The following TAPT1 variants were observed in gnomAD, a reference collection of about 807,000 sequenced individuals.
TAPT1 encodes transmembrane anterior posterior transformation 1.
Under a neutral mutation model 65.6 loss-of-function variants are expected in TAPT1, and 28 were observed. The observed-to-expected ratio is 0.43, with a 90% confidence interval of 0.32 to 0.59. The LOEUF is 0.59. Ranked by LOEUF, TAPT1 falls within the 20% of genes least tolerant of loss-of-function variation. TAPT1 has a pLI of 0.09. For synonymous variants in TAPT1, 278 were observed against 245.2 expected, an observed-to-expected ratio of 1.13 and a Z score of -1.25; for missense variants, 563 against 679.9, an observed-to-expected ratio of 0.83 and a Z score of 1.91.
chr4:16,166,410 G>C (rs952531587), intron 13 of TAPT1, among the ~76,000 whole-genome samples: 1 of 152,240 alleles, frequency 6.6e-6, no homozygotes, highest in Non-Finnish European at 1.5e-5. Flanking sequence ...CACTGGAGCT[G>C]ATGTGTCGCA....
At chr4:16,206,593 G>A (rs1182338764) in intron 2 of TAPT1, among the ~76,000 whole-genome samples, 1 of 152,012 alleles carries the variant, frequency 6.6e-6, no homozygotes, top group East Asian at 1.9e-4. Context: ...TATCTAGGAT[G>A]AGATCGACTT....
intron 2 of TAPT1, among the ~76,000 whole-genome samples, chr4:16,208,685 G>A (rs1167088261): frequency 6.6e-6 from 1 of 152,142 alleles, no homozygotes. Context: ...TGCAACAACT[G>A]AGACCTCTTT....
chr4:16,224,323 A>G (rs1319472369), intron 1 of TAPT1, among the ~76,000 whole-genome samples: 1 of 152,198 alleles, frequency 6.6e-6, no homozygotes, highest in Non-Finnish European at 1.5e-5. Context: ...AAGAAGGACT[A>G]AAATAATTGT....
chr4:16,188,542 G>C (rs1749159472), intron 4 of TAPT1, among the ~76,000 whole-genome samples, 187 bp from the exon 5 acceptor site: 1 of 152,118 alleles, frequency 6.6e-6, no homozygotes, highest in Non-Finnish European at 1.5e-5. Flanking sequence ...AATAGTAACG[G>C]CTAAAATATG....
chr4:16,221,424 C>T lies in TAPT1; in HGVS notation c.199+4835G>A, dbSNP rs951866430. Among the ~76,000 whole-genome samples the T allele has an allele frequency of 2.6e-5, 4 of 152,310 alleles. No homozygotes were observed. The South Asian group carries it at 8.3e-4, about 32-fold the overall frequency. On this transcript the variant is annotated intron_variant, in intron 1 of 13. Coordinates refer to ENST00000405303, the MANE Select transcript of TAPT1 (RefSeq NM_153365.3). ...TACAGGAGTGAGCCACCGCGCCCAG[C>T]CCCTCCAGCATATTTTTACATGATA...
At chr4:16,222,818 T>A (rs898831294) in intron 1 of TAPT1, among the ~76,000 whole-genome samples, 3 of 131,100 alleles carry the variant, frequency 2.3e-5, no homozygotes, top group Non-Finnish European at 5.5e-5. Context: ...AAGAGATGGA[T>A]AATAAGTTGA....
intron 4 of TAPT1, chr4:16,190,186 T>C (rs1749279906): frequency 6.6e-6 from 1 of 152,208 alleles, no homozygotes; most frequent in Non-Finnish European, 1.5e-5. Flanking sequence ...AGAGTCCTTG[T>C]CTACCACAGC....
At chr4:16,163,605 C>G (rs762839316) in intron 13 of TAPT1, 68 bp from the exon 14 acceptor site, 89 of 1,300,836 alleles carry the variant, frequency 6.8e-5, no homozygotes, top group Non-Finnish European at 9.0e-5. Flanking sequence ...TACAAACTTA[C>G]CAATACAGTG....
At chr4:16,206,685 G>A (rs183491558) in intron 2 of TAPT1, among the ~76,000 whole-genome samples, 1 of 152,274 alleles carries the variant, frequency 6.6e-6, no homozygotes, top group Admixed American at 6.5e-5. Flanking sequence ...AGCCATCAGT[G>A]TGAATGATCA....
At chr4:16,196,659 A>C in intron 3 of TAPT1, 1 of 1,287,302 alleles carries the variant, frequency 7.8e-7, no homozygotes, top group Non-Finnish European at 1.0e-6. Context: ...TTTACTCACC[A>C]CAAGGAGTCC....
At chr4:16,199,171 AAC>A (rs558177985) in intron 3 of TAPT1, among the ~76,000 whole-genome samples, 8 of 152,214 alleles carry the variant, frequency 5.3e-5, no homozygotes, top group South Asian at 2.1e-4. Flanking sequence ...AAATTGCTGA[AAC>A]AGTTATATAA....
At chr4:16,217,739 T>C (rs2108895329) in intron 1 of TAPT1, among the ~76,000 whole-genome samples, 1 of 152,290 alleles carries the variant, frequency 6.6e-6, no homozygotes, top group Admixed American at 6.5e-5. Context: ...TCCAGATACT[T>C]GAGAAAAGAA....
chr4:16,227,351 G>A (rs1246809547), upstream of TAPT1: 1 of 454,778 alleles, frequency 2.2e-6, no homozygotes, highest in Non-Finnish European at 4.4e-6. Context: ...TTCCAGCTCT[G>A]GCGTGTGACC....
In TAPT1 at chr4:16,191,509, A is replaced by T; in HGVS notation, c.464T>A (p.Leu155His). ...AATGTCACACACCTGGGCAGGCTGA[A>T]GCAAACGTCTGTCCCTGAAACATAC... ...PCYGLRDRRL[L>H]QPAQVCDILK... The change falls in exon 4 of 14, where the codon CTT (leucine) becomes CAT (histidine). Residue 155 changes from leucine to histidine, a missense_variant. Transcript: ENST00000405303. 6.4e-7 allele frequency: 1 copy of T among 1,558,688 alleles called. No homozygotes were observed. The highest frequency in any genetic ancestry group is 1.2e-5 in the South Asian group (1 of 84,478).
rs1751552814 is a variant in TAPT1 at position 16,226,248 on chromosome 4, G to A, written c.199+11C>T. On this transcript the variant is annotated intron_variant, in intron 1 of 13. Coordinates refer to ENST00000405303, the MANE Select transcript of TAPT1 (RefSeq NM_153365.3). Reference sequence around the variant, plus strand: ...TCGGAGCCCGCCACGGCCTAGCGCCGCCCGCCTCACCTGTGCGGCCCCGGC... The same window carrying A: ...TCGGAGCCCGCCACGGCCTAGCGCCACCCGCCTCACCTGTGCGGCCCCGGC... The A allele has an allele frequency of 2.7e-6, 3 of 1,116,172 alleles. No individual in the cohort carries two copies. The South Asian group carries it at 1.3e-4, about 48-fold the overall frequency. The allele number at this position is 1,116,172 out of a possible 1,614,324, so 69.1% of individuals were successfully genotyped here. A position where few individuals can be genotyped will look rare whatever the true frequency, so the allele number is the denominator to read the frequency against.
chr4:16,225,827 G>GT, intron 1 of TAPT1: 1 of 964,022 alleles, frequency 1.0e-6, no homozygotes, highest in East Asian at 1.1e-4. Context: ...AAGTTAACAG[G>GT]TTTCTATGGC....
chr4:16,195,522 T>G (rs1375576587), intron 3 of TAPT1, among the ~76,000 whole-genome samples: 1 of 152,206 alleles, frequency 6.6e-6, no homozygotes, highest in Non-Finnish European at 1.5e-5. Context: ...TAACAAAACT[T>G]AAACATTTTT....
At chr4:16,226,496 A>G, upstream of TAPT1, 1 of 1,026,004 alleles carries the variant, frequency 9.7e-7, no homozygotes, top group Non-Finnish European at 1.2e-6. Flanking sequence ...GCCTCCCTCC[A>G]GCCTCTGCCT....
chr4:16,205,535 G>A (rs1220500857), intron 2 of TAPT1, among the ~76,000 whole-genome samples: 1 of 152,154 alleles, frequency 6.6e-6, no homozygotes, highest in Non-Finnish European at 1.5e-5. Flanking sequence ...CGCATGCTAA[G>A]TGCCAGATGA....
Sources: allele counts gnomAD v4.1 joint callset (sites outside exome capture counted in the v4.1 genomes callset), GRCh38; gene constraint gnomAD v4.1.1; transcripts MANE v1.5; gene names NCBI Gene and HGNC (gene_info 2026-07-23, HGNC 2026-07-21).